SYN2: variants seen among roughly 807,000 people sequenced by gnomAD.
SYN2 encodes synapsin II.
SYN2 carries 19 observed loss-of-function variants against 50.9 expected under a neutral mutation model. That is an observed-to-expected ratio of 0.37 (90% CI 0.26 to 0.55). The LOEUF is 0.55. Ranked by LOEUF, SYN2 falls within the 20% of genes least tolerant of loss-of-function variation. The probability of loss-of-function intolerance (pLI) is 0.81; values close to 1 mark genes in which losing one functional copy is unlikely to be tolerated. For missense variants in SYN2, 587 were observed against 576.4 expected (o/e 1.02, Z -0.19); for synonymous variants, 255 against 224.9 (o/e 1.13, Z -1.20).
chr3:12,125,235 C>T (rs756389864), intron 1 of SYN2, among the ~76,000 whole-genome samples: 2 of 151,880 alleles, frequency 1.3e-5, no homozygotes, highest in East Asian at 1.9e-4. Flanking sequence ...CTCCTGACCT[C>T]GTGATCCACC....
chr3:12,091,324 C>T (rs1208088669), intron 1 of SYN2, among the ~76,000 whole-genome samples: 1 of 152,098 alleles, frequency 6.6e-6, no homozygotes, highest in Non-Finnish European at 1.5e-5. Context: ...TAACCTTGCT[C>T]TAATATTTTC....
intron 5 of SYN2, among the ~76,000 whole-genome samples, chr3:12,152,153 C>G (rs1178243461): frequency 6.6e-6 from 1 of 152,182 alleles, no homozygotes; most frequent in East Asian, 1.9e-4. Context: ...AAAGGGGTCT[C>G]CATTTACACC....
chr3:12,140,527 A>G, intron 1 of SYN2, 124 bp from the exon 2 acceptor site: 1 of 703,786 alleles, frequency 1.4e-6, no homozygotes, highest in Admixed American at 2.0e-5. Context: ...GTGGATCAGA[A>G]CCCAGGTCTC....
chr3:12,110,631 A>C (rs957833540), intron 1 of SYN2, among the ~76,000 whole-genome samples: 3 of 152,176 alleles, frequency 2.0e-5, no homozygotes, highest in Non-Finnish European at 2.9e-5. Context: ...GAGGTTCCCA[A>C]ACCCCAATTC....
Position 12,168,416 on chromosome 3 carries a change from G to C in SYN2, c.1096G>C (p.Gly366Arg). The C allele has an allele frequency of 6.2e-7, 1 of 1,613,960 alleles. No homozygotes were observed. The highest frequency in any genetic ancestry group is 2.2e-5 in the East Asian group (1 of 44,882). ...WVDTCSEMFG[G>R]LDICAVKAVH... ...GGACACCTGCTCTGAGATGTTTGGCGGCCTGGACATCTGTGCTGTCAAAGC... is the reference window on the plus strand; with the variant it reads ...GGACACCTGCTCTGAGATGTTTGGCCGCCTGGACATCTGTGCTGTCAAAGC... Residue 366 changes from glycine (G) to arginine (R), a missense_variant, in exon 9 of 13, where the codon GGC becomes CGC. Transcript: ENST00000621198.
chr3:12,128,054 T>G (rs1696710300), intron 1 of SYN2, among the ~76,000 whole-genome samples: 1 of 149,238 alleles, frequency 6.7e-6, no homozygotes, highest in African/African-American at 2.5e-5. Flanking sequence ...GAAGCGATCC[T>G]CCCACCTCAG....
chr3:12,111,106 G>A (rs1351359772), intron 1 of SYN2, among the ~76,000 whole-genome samples: 3 of 152,184 alleles, frequency 2.0e-5, no homozygotes, highest in African/African-American at 7.2e-5. Flanking sequence ...CATGTGTTGT[G>A]GGAGGGACCC....
chr3:12,072,047 C>A (rs1272402857), intron 1 of SYN2, among the ~76,000 whole-genome samples: 1 of 151,888 alleles, frequency 6.6e-6, no homozygotes, highest in African/African-American at 2.4e-5. Flanking sequence ...TAGGCCCCAG[C>A]AGCACATCAT....
rs555451699 is a variant in SYN2, at chr3:12,148,908, G to A, written c.685-2329G>A. 3.3e-5 allele frequency among the ~76,000 whole-genome samples: 5 copies of A among 152,216 alleles called. No individual in the cohort carries two copies. The East Asian group carries it at 7.7e-4, about 23-fold the overall frequency. ...CCCCAGCTCCCAAATTCATTCTTTT[G>A]TCTATGTGTAGAGGTAACAGCCCTT... On this transcript the variant is annotated intron_variant, in intron 4 of 12. Coordinates refer to ENST00000621198, the MANE Select transcript of SYN2 (RefSeq NM_133625.6).
intron 1 of SYN2, among the ~76,000 whole-genome samples, chr3:12,112,852 C>A (rs76423628): frequency 6.6e-6 from 1 of 152,066 alleles, no homozygotes; most frequent in Non-Finnish European, 1.5e-5. Flanking sequence ...AAGTCATATC[C>A]GGTTAGCATA....
intron 11 of SYN2, among the ~76,000 whole-genome samples, chr3:12,187,112 G>A (rs370849049): frequency 2.6e-5 from 4 of 152,136 alleles, no homozygotes; most frequent in Non-Finnish European, 4.4e-5. Flanking sequence ...TGACGGGGCC[G>A]CTCGTCCCTG....
intron 4 of SYN2, among the ~76,000 whole-genome samples, chr3:12,149,508 G>A: frequency 6.6e-6 from 1 of 152,242 alleles, no homozygotes; most frequent in East Asian, 1.9e-4. Context: ...ACCCAGCAAG[G>A]AGAAGAGACC....
intron 1 of SYN2, among the ~76,000 whole-genome samples, chr3:12,101,044 T>C (rs1219143530): frequency 1.3e-5 from 2 of 152,178 alleles, no homozygotes; most frequent in African/African-American, 4.8e-5. Flanking sequence ...ATGCAAAATG[T>C]TGAAGCCACT....
chr3:12,178,189 G>A (rs1197105967), intron 10 of SYN2, among the ~76,000 whole-genome samples: 1 of 152,168 alleles, frequency 6.6e-6, no homozygotes, highest in African/African-American at 2.4e-5. Flanking sequence ...TGGCGTGTCC[G>A]GCAAGGAGCT....
intron 5 of SYN2, chr3:12,159,341 C>G (rs1221833064): frequency 6.4e-6 from 1 of 155,702 alleles, no homozygotes; most frequent in Non-Finnish European, 1.4e-5. Flanking sequence ...AGGACGGACC[C>G]CTTGCTGAGC....
chr3:12,064,303 C>T (rs1300451750), intron 1 of SYN2, among the ~76,000 whole-genome samples: 2 of 151,974 alleles, frequency 1.3e-5, no homozygotes, highest in Non-Finnish European at 2.9e-5. Context: ...ATGTGGTATC[C>T]TGTATGGGAT....
chr3:12,174,427 C>T (rs1698013406), intron 10 of SYN2, among the ~76,000 whole-genome samples: 1 of 152,136 alleles, frequency 6.6e-6, no homozygotes. Flanking sequence ...GCCCTAGCCA[C>T]ACTGGTAAGG....
chr3:12,110,605 C>T (rs1250442120), intron 1 of SYN2, among the ~76,000 whole-genome samples: 3 of 152,196 alleles, frequency 2.0e-5, no homozygotes, highest in African/African-American at 7.2e-5. Context: ...TCTATACATC[C>T]TCCGAAATCT....
intron 10 of SYN2, 86 bp from the exon 11 acceptor site, chr3:12,183,226 C>G: frequency 6.7e-7 from 1 of 1,501,442 alleles, no homozygotes; most frequent in Non-Finnish European, 8.9e-7. Context: ...GATTCCACTG[C>G]GGCCTTGCCA....
Sources: allele counts gnomAD v4.1 joint callset (sites outside exome capture counted in the v4.1 genomes callset), GRCh38; gene constraint gnomAD v4.1.1; transcripts MANE v1.5; gene names NCBI Gene and HGNC (gene_info 2026-07-23, HGNC 2026-07-21).